The following GABRA5 variants were observed in gnomAD, a reference collection of about 807,000 sequenced individuals.
GABRA5 encodes gamma-aminobutyric acid receptor subunit alpha-5.
Under a neutral mutation model 47.3 loss-of-function variants are expected in GABRA5, and 18 were observed. That is an observed-to-expected ratio of 0.38 (90% CI 0.26 to 0.56). The LOEUF is 0.56. GABRA5 is among the 20% of genes least tolerant of loss of function. The probability of loss-of-function intolerance (pLI) is 0.71; values close to 1 mark genes in which losing one functional copy is unlikely to be tolerated. For missense variants in GABRA5, 365 were observed against 599.3 expected (o/e 0.61, Z 4.08); for synonymous variants, 237 against 229.3 (o/e 1.03, Z -0.30).
chr15:26,872,900 T>G (rs544606262), intron 3 of GABRA5, among the ~76,000 whole-genome samples: 2 of 152,248 alleles, frequency 1.3e-5, no homozygotes, highest in Admixed American at 1.3e-4. Flanking sequence ...ATAACTGATA[T>G]GAAATTGCTT....
chr15:26,920,008 T>C (rs1893806508), intron 7 of GABRA5, among the ~76,000 whole-genome samples: 1 of 152,172 alleles, frequency 6.6e-6, no homozygotes, highest in Non-Finnish European at 1.5e-5. Context: ...ACAACTGGCT[T>C]CTCTCTGGCA....
chr15:26,870,131 C>T (rs577645078), intron 3 of GABRA5, among the ~76,000 whole-genome samples: 153 of 152,268 alleles, frequency 1.0e-3, no homozygotes, highest in African/African-American at 3.5e-3. Flanking sequence ...AGTTGCCAAG[C>T]GTTAGTGCTG....
At chr15:26,889,006 G>T (rs1892943321) in intron 6 of GABRA5, among the ~76,000 whole-genome samples, 1 of 152,234 alleles carries the variant, frequency 6.6e-6, no homozygotes, top group East Asian at 1.9e-4. Context: ...CTGTTTAATA[G>T]AAAGATCTGG....
intron 10 of GABRA5, among the ~76,000 whole-genome samples, chr15:26,945,512 G>A (rs557397394): frequency 1.3e-5 from 2 of 152,340 alleles, no homozygotes; most frequent in South Asian, 2.1e-4. Flanking sequence ...GCCCAGCAAA[G>A]CCCAGGCTAA....
At chr15:26,935,769 C>T (rs1407022196) in intron 7 of GABRA5, among the ~76,000 whole-genome samples, 1 of 152,160 alleles carries the variant, frequency 6.6e-6, no homozygotes, top group Non-Finnish European at 1.5e-5. Context: ...ATATCCTCCC[C>T]CCTGCATCTC....
At chr15:26,926,036 C>T (rs938834797) in intron 7 of GABRA5, among the ~76,000 whole-genome samples, 2 of 152,192 alleles carry the variant, frequency 1.3e-5, no homozygotes, top group Non-Finnish European at 2.9e-5. Context: ...TTTTGCACCT[C>T]ACTCTCCAGC....
intron 7 of GABRA5, among the ~76,000 whole-genome samples, chr15:26,918,060 A>G (rs1298029669): frequency 2.0e-5 from 3 of 151,454 alleles, no homozygotes; most frequent in Non-Finnish European, 4.4e-5. Context: ...TTTCTGCTCT[A>G]ATATTTATTA....
chr15:26,948,433 C>T lies in GABRA5; in HGVS notation c.*200C>T, dbSNP rs945942853. On this transcript the variant is annotated 3_prime_UTR_variant, in exon 11 of 11. Transcript: ENST00000335625. ...TTTCCAAGATGTCCCATTGATAATT[C>T]GAGCAAACAACTTTCTGGAAAAACA... 3.0e-5 allele frequency: 17 copies of T among 574,682 alleles called. No individual in the cohort carries two copies. The highest frequency in any genetic ancestry group is 2.8e-4 in the East Asian group (10 of 35,368). The allele number at this position is 574,682 out of a possible 1,614,324, so 35.6% of individuals were successfully genotyped here.
chr15:26,899,448 A>C (rs1252392592), intron 6 of GABRA5, among the ~76,000 whole-genome samples: 1 of 152,174 alleles, frequency 6.6e-6, no homozygotes, highest in Non-Finnish European at 1.5e-5. Flanking sequence ...TATGCCTGTT[A>C]AGTCCATTTG....
intron 8 of GABRA5, chr15:26,939,347 GC>G (rs751953600): frequency 5.2e-6 from 4 of 765,154 alleles, no homozygotes; most frequent in Admixed American, 1.7e-5. Flanking sequence ...CCAATGAAAT[GC>G]CCCCGATTTC....
At chr15:26,890,780 C>T (rs1464396104) in intron 6 of GABRA5, among the ~76,000 whole-genome samples, 2 of 152,142 alleles carry the variant, frequency 1.3e-5, no homozygotes, top group Non-Finnish European at 2.9e-5. Flanking sequence ...TACTCCCTGT[C>T]ATCCCGGCAC....
intron 7 of GABRA5, among the ~76,000 whole-genome samples, chr15:26,934,087 T>C (rs2140573281): frequency 6.6e-6 from 1 of 151,904 alleles, no homozygotes; most frequent in Middle Eastern, 3.4e-3. Context: ...ACCCCATCTA[T>C]ACAAAAAATG....
At chr15:26,892,804 G>A (rs2140268757) in intron 6 of GABRA5, among the ~76,000 whole-genome samples, 1 of 152,358 alleles carries the variant, frequency 6.6e-6, no homozygotes, top group East Asian at 1.9e-4. Flanking sequence ...CTTGGGGCAG[G>A]AGAGGTCTGG....
At chr15:26,943,147 C>T in intron 9 of GABRA5, 68 bp from the exon 10 acceptor site, 1 of 1,126,126 alleles carries the variant, frequency 8.9e-7, no homozygotes, top group South Asian at 1.4e-5. Context: ...GCATGTTGTA[C>T]TGGGGTCCTG....
chr15:26,924,142 A>G (rs944401010), intron 7 of GABRA5, among the ~76,000 whole-genome samples: 2 of 139,864 alleles, frequency 1.4e-5, no homozygotes, highest in African/African-American at 2.7e-5. Context: ...GATATTCTGT[A>G]TATTATAATA....
chr15:26,920,430 C>T (rs1024130033), intron 7 of GABRA5, among the ~76,000 whole-genome samples: 1 of 151,864 alleles, frequency 6.6e-6, no homozygotes, highest in African/African-American at 2.4e-5. Context: ...TTATTGTATT[C>T]TTTAACTCCG....
intron 6 of GABRA5, among the ~76,000 whole-genome samples, chr15:26,901,700 C>T (rs1024230167): frequency 3.3e-5 from 5 of 152,114 alleles, no homozygotes; most frequent in African/African-American, 1.2e-4. Context: ...ACAGACTGTG[C>T]TTTTGGTATC....
rs956642257 is a variant in GABRA5, at chr15:26,867,945, G to A, written c.-139-784G>A. 6.6e-6 allele frequency: 1 copy of A among 152,024 alleles called. No individual in the cohort carries two copies. The highest frequency in any genetic ancestry group is 6.5e-5 in the Admixed American group (1 of 15,272). 9.4% of individuals were successfully genotyped at this position (152,024 alleles called of 1,614,324 possible). On this transcript the variant is annotated intron_variant, in intron 1 of 10. Coordinates refer to ENST00000335625, the MANE Select transcript of GABRA5 (RefSeq NM_000810.4). This position sits in a 1 kb window ranked among gnomAD's most constrained non-coding sequence, Gnocchi z 5.9. ...CGGGGCAGGAGCAGGGGAAGTCTGCGAAAGCCGGGAGCGAGCCGGGGAGGG... is the reference window on the plus strand; with the variant it reads ...CGGGGCAGGAGCAGGGGAAGTCTGCAAAAGCCGGGAGCGAGCCGGGGAGGG...
rs756015071 is a variant in GABRA5 at position 26,892,890 on chromosome 15, GGT to G, written c.497+9344_497+9345del. On this transcript the variant is annotated intron_variant, in intron 6 of 10. Coordinates refer to ENST00000335625, the MANE Select transcript of GABRA5 (RefSeq NM_000810.4). ...TGTGTGGGTGTGTATGGGTATGTGT[GGT>G]GTGTGTGTGTATGAGGTTGTGTGTG... Among the ~76,000 whole-genome samples, 7 of 151,834 alleles carry G rather than the reference GGT, an allele frequency of 4.6e-5. No homozygotes were observed. The South Asian group carries it at 6.2e-4, about 14-fold the overall frequency.
Sources: allele counts gnomAD v4.1 joint callset (sites outside exome capture counted in the v4.1 genomes callset), GRCh38; gene constraint gnomAD v4.1.1; non-coding constraint Gnocchi (gnomAD v3.1); transcripts MANE v1.5; gene names NCBI Gene and HGNC (gene_info 2026-07-23, HGNC 2026-07-21).